PRKCQ: variants seen among roughly 807,000 people sequenced by gnomAD.
The protein encoded by PRKCQ is protein kinase C theta, also known as protein kinase C theta type.
A neutral mutation model predicts 91.2 loss-of-function variants in PRKCQ; 41 were observed. That is an observed-to-expected ratio of 0.45 (90% CI 0.35 to 0.58). PRKCQ has a LOEUF of 0.58. Ranked by LOEUF, PRKCQ falls within the 20% of genes least tolerant of loss-of-function variation. The pLI, the probability that PRKCQ is intolerant of heterozygous loss-of-function variation, is 0.00. For missense variants in PRKCQ, 673 were observed against 896.5 expected, an observed-to-expected ratio of 0.75 and a Z score of 3.18; for synonymous variants, 307 against 316.9, an observed-to-expected ratio of 0.97 and a Z score of 0.33.
chr10:6,507,504 G>C lies in PRKCQ; in HGVS notation c.319-8C>G, dbSNP rs1283398840. 6.2e-7 allele frequency: 1 copy of C among 1,612,220 alleles called. No individual in the cohort carries two copies. The highest frequency in any genetic ancestry group is 8.5e-7 in the Non-Finnish European group (1 of 1,178,400). On this transcript the variant is annotated splice_region_variant and splice_polypyrimidine_tract_variant and intron_variant, in intron 3 of 17. Transcript: ENST00000263125. ...TTGAGGTTTCAGCTCTAACTGGTTG[G>C]GAGAAGGAGAGAAACATCAGTCAGA... is the stretch of plus-strand genomic sequence containing the variant.
At chr10:6,490,770 GA>G (rs1430286940) in intron 8 of PRKCQ, among the ~76,000 whole-genome samples, 1 of 151,826 alleles carries the variant, frequency 6.6e-6, no homozygotes, top group African/African-American at 2.4e-5. Flanking sequence ...AGTAAAAGAA[GA>G]AGAAAAAAAT....
intron 1 of PRKCQ, among the ~76,000 whole-genome samples, chr10:6,515,827 T>C (rs1838730928): frequency 6.6e-6 from 1 of 152,198 alleles, no homozygotes; most frequent in African/African-American, 2.4e-5. Context: ...AAATCAGTAA[T>C]TATGCTTTCC....
intron 14 of PRKCQ, among the ~76,000 whole-genome samples, chr10:6,459,112 A>G (rs1395140395): frequency 6.6e-6 from 1 of 152,126 alleles, no homozygotes; most frequent in Non-Finnish European, 1.5e-5. Flanking sequence ...CCTTTCCTGG[A>G]GTCACTTCTT....
intron 1 of PRKCQ, among the ~76,000 whole-genome samples, chr10:6,527,559 T>C (rs1390254141): frequency 6.6e-6 from 1 of 152,114 alleles, no homozygotes; most frequent in African/African-American, 2.4e-5. Flanking sequence ...TGGATACGTT[T>C]GTAAAAGAAA....
chr10:6,488,200 C>T (rs1837039641), intron 8 of PRKCQ, among the ~76,000 whole-genome samples: 1 of 152,166 alleles, frequency 6.6e-6, no homozygotes, highest in African/African-American at 2.4e-5. Context: ...AGCACAATGA[C>T]TGGCATCGAG....
Position 6,536,890 on chromosome 10 carries a change from A to T in PRKCQ, c.-9-21746T>A, listed in dbSNP as rs966646684. ...GCTTGCGAGCTGCAAGAGGAAGGAG[A>T]GGCTGGAGGCACCACCTTCCCTCCC... On this transcript the variant is annotated intron_variant, in intron 1 of 17. Coordinates refer to ENST00000263125, the MANE Select transcript of PRKCQ (RefSeq NM_006257.5). Among the ~76,000 whole-genome samples the T allele has an allele frequency of 4.6e-5, 7 of 152,308 alleles. No homozygotes were observed. The South Asian group carries it at 1.5e-3, about 32-fold the overall frequency.
chr10:6,557,634 T>C (rs1840471791), intron 1 of PRKCQ, among the ~76,000 whole-genome samples: 1 of 152,194 alleles, frequency 6.6e-6, no homozygotes, highest in African/African-American at 2.4e-5. Flanking sequence ...TACCTAGTAG[T>C]AGCCTCAAAA....
chr10:6,442,073 C>T lies in PRKCQ; in HGVS notation c.1656G>A (p.Leu552=), dbSNP rs1468614983. 2 of 1,611,186 alleles carry T rather than the reference C, an allele frequency of 1.2e-6. No homozygotes were observed. The highest frequency in any genetic ancestry group is 1.1e-5 in the South Asian group (1 of 90,998). The change falls in exon 16 of 18, where the codon CTG becomes CTA. Residue 552 remains leucine (L), a synonymous_variant. Coordinates refer to ENST00000263125, the MANE Select transcript of PRKCQ (RefSeq NM_006257.5). ...CCACAGAGTGGTTGTATTTCTGACC[C>T]AGCAAGATCTGCACAACCAAAAGGC... ...TPDYIAPEIL[L]GQKYNHSVDW... is the part of the protein sequence containing the mutation.
At chr10:6,537,542 C>T (rs942940398) in intron 1 of PRKCQ, among the ~76,000 whole-genome samples, 7 of 152,184 alleles carry the variant, frequency 4.6e-5, no homozygotes, top group Non-Finnish European at 7.3e-5. Context: ...AGAACCTCTT[C>T]CTTTCTCGGG....
rs1340849952 is a variant in PRKCQ, at chr10:6,467,311, G to GAGAGAGAC, written c.1354-2908_1354-2907insGTCTCTCT. ...CCAAGCAGGCTGAGAGAGAGAGAGA[G>GAGAGAGAC]AGAGAGAGACAGAGAGAGACAGACA... On this transcript the variant is annotated intron_variant, in intron 12 of 17. Coordinates refer to ENST00000263125, the MANE Select transcript of PRKCQ (RefSeq NM_006257.5). Among the ~76,000 whole-genome samples the GAGAGAGAC allele has an allele frequency of 4.5e-4, 62 of 136,296 alleles. 1 individual carries two copies. Among genetic ancestry groups the GAGAGAGAC allele is most frequent in the South Asian group, 2.7e-3 (12 of 4,418 alleles). 89.4% of individuals were successfully genotyped at this position (136,296 alleles called of 152,430 possible).
the PRKCQ span, among the ~76,000 whole-genome samples, chr10:6,397,047 G>T: frequency 6.6e-6 from 1 of 152,112 alleles, no homozygotes; most frequent in East Asian, 1.9e-4. Flanking sequence ...GACCATCTTT[G>T]TATGTGTTTA....
At chr10:6,526,680 G>A (rs956769252) in intron 1 of PRKCQ, among the ~76,000 whole-genome samples, 1 of 152,184 alleles carries the variant, frequency 6.6e-6, no homozygotes, top group Non-Finnish European at 1.5e-5. Context: ...GTTGAGCAAG[G>A]GGTAGAGAAG....
chr10:6,453,854 A>G (rs11595746), intron 15 of PRKCQ, among the ~76,000 whole-genome samples: 13,234 of 151,520 alleles, frequency 0.087, 649 homozygotes, highest in Middle Eastern at 0.18. Context: ...TCTCACTCAT[A>G]GATGGGAATT....
intron 1 of PRKCQ, among the ~76,000 whole-genome samples, chr10:6,558,529 G>A (rs1238536428): frequency 6.6e-6 from 1 of 152,148 alleles, no homozygotes; most frequent in Non-Finnish European, 1.5e-5. Flanking sequence ...AAAGATACAG[G>A]ATAAATAACT....
intron 17 of PRKCQ, 117 bp from the exon 18 acceptor site, chr10:6,428,479 G>A (rs1245919208): frequency 8.8e-7 from 1 of 1,133,448 alleles, no homozygotes; most frequent in Non-Finnish European, 1.3e-6. Context: ...TGTTTGCAGA[G>A]ACACTAAATG....
chr10:6,569,746 A>G (rs1287508111), intron 1 of PRKCQ, among the ~76,000 whole-genome samples: 1 of 152,170 alleles, frequency 6.6e-6, no homozygotes, highest in Non-Finnish European at 1.5e-5. Flanking sequence ...GGAAAGACAC[A>G]CAGATTTCAG....
rs1011520005 is a variant in PRKCQ, at chr10:6,576,734, A to G, written c.-10+3477T>C. ...ATGTGTATTTTAACCACAATAAAAA[A>G]GTTAACTGGTAGGTCACCTGGGACT... is the stretch of plus-strand genomic sequence containing the variant. On this transcript the variant is annotated intron_variant, in intron 1 of 17. Transcript: ENST00000263125. The surrounding 1 kb of genome is among the most constrained non-coding windows in gnomAD (Gnocchi z 4.2). 2.0e-5 allele frequency among the ~76,000 whole-genome samples: 3 copies of G among 152,230 alleles called. No individual in the cohort carries two copies. The highest frequency in any genetic ancestry group is 4.4e-5 in the Non-Finnish European group (3 of 68,030).
intron 1 of PRKCQ, among the ~76,000 whole-genome samples, chr10:6,537,884 C>T (rs994289519): frequency 1.3e-5 from 2 of 152,214 alleles, no homozygotes; most frequent in African/African-American, 4.8e-5. Context: ...TTCCACAGCG[C>T]CCCCCTTCCC....
downstream of PRKCQ, among the ~76,000 whole-genome samples, chr10:6,423,592 T>C (rs1833054707): frequency 6.6e-6 from 1 of 152,122 alleles, no homozygotes; most frequent in Non-Finnish European, 1.5e-5. Flanking sequence ...GACCCCTCAG[T>C]AACTCCGGGA....
Sources: allele counts gnomAD v4.1 joint callset (sites outside exome capture counted in the v4.1 genomes callset), GRCh38; gene constraint gnomAD v4.1.1; non-coding constraint Gnocchi (gnomAD v3.1); transcripts MANE v1.5; gene names NCBI Gene and HGNC (gene_info 2026-07-23, HGNC 2026-07-21).